The following ZNF804A variants were observed in gnomAD, a reference collection of about 807,000 sequenced individuals.
ZNF804A encodes the protein zinc finger protein 804A.
Under a neutral mutation model 16.5 loss-of-function variants are expected in ZNF804A, and 2 were observed. The observed-to-expected ratio is 0.12, with a 90% CI of 0.05 to 0.38. The LOEUF (loss-of-function observed/expected upper bound fraction) is 0.38, where lower values mean the gene tolerates loss of function less well. ZNF804A is among the 10% of genes least tolerant of loss of function. ZNF804A has a pLI of 0.99. For missense variants in ZNF804A, 1,473 were observed against 1,390.7 expected, an observed-to-expected ratio of 1.06 and a Z score of -0.94; for synonymous variants, 534 against 489.6, an observed-to-expected ratio of 1.09 and a Z score of -1.20.
chr2:184,792,512 C>G (rs1264756131), intron 1 of ZNF804A, among the ~76,000 whole-genome samples: 1 of 152,074 alleles, frequency 6.6e-6, no homozygotes, highest in Non-Finnish European at 1.5e-5. Flanking sequence ...TTAGTTTGAT[C>G]ATTTTTTCAT....
chr2:184,849,485 G>T (rs1379945064), intron 1 of ZNF804A, among the ~76,000 whole-genome samples: 2 of 151,992 alleles, frequency 1.3e-5, no homozygotes, highest in African/African-American at 4.8e-5. Flanking sequence ...ATGAAAAAAT[G>T]CTCAATGCCA....
chr2:184,753,494 A>G (rs2105759621), intron 1 of ZNF804A, among the ~76,000 whole-genome samples: 1 of 151,854 alleles, frequency 6.6e-6, no homozygotes. Flanking sequence ...TGGGTCAAAA[A>G]CAGCTAAATA....
At chr2:184,704,759 G>T (rs1354453425) in intron 1 of ZNF804A, among the ~76,000 whole-genome samples, 4 of 152,222 alleles carry the variant, frequency 2.6e-5, no homozygotes, top group Admixed American at 2.0e-4. Context: ...CTTAGGGAAT[G>T]AATCTCAAAG....
At chr2:184,733,830 C>A (rs1300721581) in intron 1 of ZNF804A, among the ~76,000 whole-genome samples, 4 of 151,800 alleles carry the variant, frequency 2.6e-5, no homozygotes, top group Non-Finnish European at 1.5e-5. Context: ...CCCTTTATTA[C>A]TCTTTTAGTG....
At chr2:184,807,665 A>G (rs1694829812) in intron 1 of ZNF804A, among the ~76,000 whole-genome samples, 2 of 151,890 alleles carry the variant, frequency 1.3e-5, no homozygotes, top group South Asian at 4.1e-4. Context: ...TTTGACATTA[A>G]ACAGAACAAG....
intron 1 of ZNF804A, among the ~76,000 whole-genome samples, chr2:184,809,884 C>T (rs1294457305): frequency 1.3e-5 from 2 of 151,954 alleles, no homozygotes; most frequent in African/African-American, 4.8e-5. Context: ...CCTTTAATAT[C>T]CCAAATGCCA....
chr2:184,734,277 T>A (rs562848704), intron 1 of ZNF804A, among the ~76,000 whole-genome samples: 1 of 152,306 alleles, frequency 6.6e-6, no homozygotes, highest in African/African-American at 2.4e-5. Context: ...GAATTTTACA[T>A]CTTTTTGTTT....
At chr2:184,932,148 C>T (rs1424250858) in intron 2 of ZNF804A, among the ~76,000 whole-genome samples, 1 of 152,122 alleles carries the variant, frequency 6.6e-6, no homozygotes, top group Admixed American at 6.6e-5. Context: ...TTTCTCATAT[C>T]TTCCTGTCTT....
chr2:184,764,668 G>T (rs1694089280), intron 1 of ZNF804A, among the ~76,000 whole-genome samples: 1 of 152,064 alleles, frequency 6.6e-6, no homozygotes, highest in Admixed American at 6.6e-5. Context: ...TTGCCAGTCA[G>T]AAATGTAATG....
chr2:184,892,907 G>T (rs1685010719), intron 2 of ZNF804A, among the ~76,000 whole-genome samples: 1 of 152,054 alleles, frequency 6.6e-6, no homozygotes. Flanking sequence ...ATTATTGCCT[G>T]TGTTATAATC....
chr2:184,938,129 C>T lies in ZNF804A; in HGVS notation c.2733C>T (p.Ser911=). The change falls in exon 4 of 4, where the codon TCC becomes TCT. Residue 911 remains serine (S), a synonymous_variant. Coordinates refer to ENST00000302277, the MANE Select transcript of ZNF804A (RefSeq NM_194250.2). ...CTTCTGGTGAATTGTCAGATGTTTC[C>T]AATGATCCCACCACATCTGTCTGTG... ...ETTSGELSDV[S]NDPTTSVCVA... 3 of 1,614,024 alleles carry T rather than the reference C, an allele frequency of 1.9e-6. No individual in the cohort carries two copies. The highest frequency in any genetic ancestry group is 2.5e-6 in the Non-Finnish European group (3 of 1,179,992).
At chr2:184,739,985 A>G (rs1323217680) in intron 1 of ZNF804A, among the ~76,000 whole-genome samples, 1 of 152,222 alleles carries the variant, frequency 6.6e-6, no homozygotes, top group African/African-American at 2.4e-5. Flanking sequence ...AAATAGAATG[A>G]AATACAATTT....
intron 2 of ZNF804A, among the ~76,000 whole-genome samples, chr2:184,870,937 T>C (rs1695965140): frequency 6.6e-6 from 1 of 151,836 alleles, no homozygotes; most frequent in Non-Finnish European, 1.5e-5. Flanking sequence ...CTCTATAAAA[T>C]TCTTCACATG....
chr2:184,896,281 TTA>T (rs905986292), intron 2 of ZNF804A, among the ~76,000 whole-genome samples: 4 of 152,092 alleles, frequency 2.6e-5, no homozygotes, highest in African/African-American at 9.7e-5. Flanking sequence ...TGTCCCAAAT[TTA>T]TATATGAAAT....
At chr2:184,763,844 G>C (rs1385414678) in intron 1 of ZNF804A, among the ~76,000 whole-genome samples, 1 of 151,212 alleles carries the variant, frequency 6.6e-6, no homozygotes, top group South Asian at 2.1e-4. Context: ...GGGTTTCACC[G>C]TGTTAGCCAA....
At chr2:184,731,109 G>T (rs919046183) in intron 1 of ZNF804A, among the ~76,000 whole-genome samples, 5 of 151,554 alleles carry the variant, frequency 3.3e-5, no homozygotes, top group Non-Finnish European at 7.4e-5. Flanking sequence ...AAATTCGGCA[G>T]GTGTGGTGGC....
intron 2 of ZNF804A, among the ~76,000 whole-genome samples, chr2:184,925,069 T>A (rs1685588797): frequency 6.6e-6 from 1 of 151,886 alleles, no homozygotes. Flanking sequence ...ATAGTACAGG[T>A]TAAGTCCAAA....
intron 1 of ZNF804A, among the ~76,000 whole-genome samples, chr2:184,860,362 A>G (rs1363257551): frequency 3.9e-5 from 6 of 152,234 alleles, no homozygotes; most frequent in Admixed American, 3.3e-4. Context: ...GTTTGAGGCC[A>G]GAAGTGCCAA....
intron 1 of ZNF804A, among the ~76,000 whole-genome samples, chr2:184,756,220 C>T (rs1261238271): frequency 6.6e-6 from 1 of 151,374 alleles, no homozygotes; most frequent in African/African-American, 2.4e-5. Context: ...TTAAAAGGGA[C>T]TTTATTGAAT....
Sources: allele counts gnomAD v4.1 joint callset (sites outside exome capture counted in the v4.1 genomes callset), GRCh38; gene constraint gnomAD v4.1.1; transcripts MANE v1.5; gene names NCBI Gene and HGNC (gene_info 2026-07-23, HGNC 2026-07-21).